The following KIAA1217 variants were observed in gnomAD, a reference collection of about 807,000 sequenced individuals.
KIAA1217 encodes sickle tail protein homolog.
KIAA1217 carries 88 observed loss-of-function variants against 163.9 expected under a neutral mutation model. That is an observed-to-expected ratio of 0.54 (90% CI 0.45 to 0.64). The LOEUF (loss-of-function observed/expected upper bound fraction) is 0.64, where lower values mean the gene tolerates loss of function less well. Among genes scored for constraint, KIAA1217 ranks in the 30% least tolerant of loss-of-function variants. The pLI is 0.00. For missense variants in KIAA1217, 2,372 were observed against 2,475.0 expected, an observed-to-expected ratio of 0.96 and a Z score of 0.88; for synonymous variants, 903 against 923.1, an observed-to-expected ratio of 0.98 and a Z score of 0.39.
At chr10:24,022,926 G>GAA (rs5783873) in intron 2 of KIAA1217, among the ~76,000 whole-genome samples, 55 of 141,580 alleles carry the variant, frequency 3.9e-4, no homozygotes, top group African/African-American at 1.2e-3. Context: ...TACTTGATCT[G>GAA]AAAAAAAAAA....
chr10:23,837,096 G>A (rs373867448), intron 1 of KIAA1217, among the ~76,000 whole-genome samples: 38 of 152,174 alleles, frequency 2.5e-4, no homozygotes, highest in East Asian at 1.5e-3. Context: ...CTCCTTATAA[G>A]CGAGAACATG....
chr10:24,319,636 C>T (rs1175100467), intron 2 of KIAA1217, among the ~76,000 whole-genome samples: 2 of 152,146 alleles, frequency 1.3e-5, no homozygotes, highest in Non-Finnish European at 2.9e-5. Flanking sequence ...GGGGCTAGAG[C>T]GCACCCTGGT....
chr10:24,185,012 T>A (rs955272621), intron 2 of KIAA1217, among the ~76,000 whole-genome samples: 1 of 152,230 alleles, frequency 6.6e-6, no homozygotes, highest in Non-Finnish European at 1.5e-5. Context: ...GAGAAAGAGA[T>A]GCATAGGCTG....
intron 2 of KIAA1217, among the ~76,000 whole-genome samples, chr10:24,105,707 T>C (rs2062599331): frequency 6.6e-6 from 1 of 152,232 alleles, no homozygotes; most frequent in Admixed American, 6.5e-5. Flanking sequence ...CAAATCTTTA[T>C]TGAGTATCTA....
At chr10:24,519,450 A>T (rs903015060) in intron 10 of KIAA1217, among the ~76,000 whole-genome samples, 8 of 152,222 alleles carry the variant, frequency 5.3e-5, no homozygotes, top group African/African-American at 1.9e-4. Context: ...CTTGTTGATG[A>T]GACAATCAGT....
intron 1 of KIAA1217, among the ~76,000 whole-genome samples, chr10:23,842,209 CT>C (rs1227258887): frequency 6.6e-6 from 1 of 152,086 alleles, no homozygotes; most frequent in Non-Finnish European, 1.5e-5. Flanking sequence ...GCCTTATTCC[CT>C]CTTACTGCAG....
rs74125419 is a variant in KIAA1217 at position 24,459,996 on chromosome 10, G to A, written c.847-13232G>A. 9.1e-3 allele frequency among the ~76,000 whole-genome samples: 1,391 copies of A among 152,216 alleles called. 18 individuals carry two copies. Among genetic ancestry groups the A allele is most frequent in the African/African-American group, 0.032 (1,327 of 41,508 alleles). ...ACACCTGGACCAAAATGCTAGTTCCGGGACTCCCCATTTGGTGTTCTTCCC... is the reference window on the plus strand; with the variant it reads ...ACACCTGGACCAAAATGCTAGTTCCAGGACTCCCCATTTGGTGTTCTTCCC... On this transcript the variant is annotated intron_variant, in intron 5 of 20. Coordinates refer to ENST00000376454, the MANE Select transcript of KIAA1217 (RefSeq NM_019590.5).
rs2135555702 is a variant in KIAA1217 at position 24,546,844 on chromosome 10, T to G, written c.*520T>G. On this transcript the variant is annotated 3_prime_UTR_variant, in exon 21 of 21. Transcript: ENST00000376454. The stretch of plus-strand genomic sequence containing the variant: ...TCATGGTTCCTTTCAAGATCTTTTT[T>G]GCCAAAACATTTTGATACTATAGCA... 1 of 154,316 alleles carries G rather than the reference T, an allele frequency of 6.5e-6. No homozygotes were observed. Among genetic ancestry groups the G allele is most frequent in the Admixed American group, 6.4e-5 (1 of 15,574 alleles). The allele number at this position is 154,316 out of a possible 1,614,324, so 9.6% of individuals were successfully genotyped here.
chr10:24,374,927 C>A (rs1430512572), intron 2 of KIAA1217, among the ~76,000 whole-genome samples: 1 of 152,104 alleles, frequency 6.6e-6, no homozygotes. Flanking sequence ...TGGAACTACA[C>A]GTGTGCAGCA....
chr10:24,380,820 C>T (rs553559363), intron 2 of KIAA1217, 49 bp from the exon 3 acceptor site: 33 of 1,332,444 alleles, frequency 2.5e-5, no homozygotes, highest in Middle Eastern at 2.0e-4. Context: ...ATTTTCCACA[C>T]GATTAATAAT....
At chr10:24,371,912 A>G (rs1038200217) in intron 2 of KIAA1217, among the ~76,000 whole-genome samples, 2 of 117,460 alleles carry the variant, frequency 1.7e-5, no homozygotes, top group Non-Finnish European at 3.8e-5. Flanking sequence ...AGAAATAAAG[A>G]AAGTGTGTCA....
chr10:23,890,880 TA>T (rs1452174685), intron 1 of KIAA1217, among the ~76,000 whole-genome samples: 1 of 152,008 alleles, frequency 6.6e-6, no homozygotes, highest in African/African-American at 2.4e-5. Flanking sequence ...GTTTTTTATT[TA>T]ATTTTGTCGG....
intron 17 of KIAA1217, among the ~76,000 whole-genome samples, chr10:24,541,553 G>T (rs867209669): frequency 8.5e-5 from 13 of 152,170 alleles, no homozygotes; most frequent in African/African-American, 3.1e-4. Context: ...CTTTAACCAA[G>T]CAGCCTTCAT....
intron 1 of KIAA1217, among the ~76,000 whole-genome samples, chr10:23,975,074 C>T (rs1432968669): frequency 6.6e-6 from 1 of 152,138 alleles, no homozygotes; most frequent in Non-Finnish European, 1.5e-5. Context: ...ATTTATACAG[C>T]TGATATACAC....
chr10:23,839,529 T>A (rs1377131868), intron 1 of KIAA1217, among the ~76,000 whole-genome samples: 1 of 152,196 alleles, frequency 6.6e-6, no homozygotes, highest in African/African-American at 2.4e-5. Flanking sequence ...TGCAGCAGCC[T>A]GGGTTATTTT....
intron 1 of KIAA1217, among the ~76,000 whole-genome samples, chr10:24,214,950 G>A (rs766547985): frequency 6.6e-5 from 10 of 152,192 alleles, no homozygotes; most frequent in Non-Finnish European, 1.2e-4. Context: ...AGAGTAACCC[G>A]AGTTGTGGCA....
At chr10:24,020,792 A>G (rs1318477413) in intron 2 of KIAA1217, among the ~76,000 whole-genome samples, 1 of 152,076 alleles carries the variant, frequency 6.6e-6, no homozygotes, top group African/African-American at 2.4e-5. Flanking sequence ...GTAGCTACAC[A>G]AAGCAGAGGA....
chr10:23,911,014 T>C (rs577701629), intron 1 of KIAA1217, among the ~76,000 whole-genome samples: 11 of 152,330 alleles, frequency 7.2e-5, no homozygotes, highest in African/African-American at 2.6e-4. Context: ...TCAATTTGGA[T>C]GCCACCAACA....
chr10:23,970,441 T>C (rs1041996284), intron 1 of KIAA1217, among the ~76,000 whole-genome samples: 20 of 152,178 alleles, frequency 1.3e-4, no homozygotes, highest in Non-Finnish European at 1.8e-4. Context: ...AAGTCAAACT[T>C]GTAGAAGTAG....
Sources: gnomAD v4.1 joint callset for allele counts (sites outside exome capture counted in the v4.1 genomes callset) on GRCh38, gnomAD v4.1.1 for gene constraint, MANE v1.5 for transcripts, NCBI Gene and HGNC (gene_info 2026-07-23, HGNC 2026-07-21) for gene names.